ANKRD44: variants seen among roughly 807,000 people sequenced by gnomAD.
The protein encoded by ANKRD44 is ankyrin repeat domain 44.
In ANKRD44, 35 loss-of-function variants were observed where a neutral mutation model predicts 116.0. The observed-to-expected ratio is 0.30, with a 90% confidence interval of 0.23 to 0.40. The LOEUF (loss-of-function observed/expected upper bound fraction) is 0.40. Among genes scored for constraint, ANKRD44 ranks in the 10% least tolerant of loss-of-function variants. The probability of loss-of-function intolerance (pLI) is 1.00; values close to 1 mark genes in which losing one functional copy is unlikely to be tolerated. For synonymous variants in ANKRD44, 435 were observed against 461.8 expected (o/e 0.94, Z 0.74); for missense variants, 1,014 against 1,242.6 (o/e 0.82, Z 2.77).
chr2:197,129,435 C>T (rs1006093331), intron 4 of ANKRD44, among the ~76,000 whole-genome samples: 1 of 152,126 alleles, frequency 6.6e-6, no homozygotes, highest in Non-Finnish European at 1.5e-5. Context: ...GCGCCTGGAC[C>T]TTTGTTTCTT....
intron 4 of ANKRD44, among the ~76,000 whole-genome samples, chr2:197,128,495 C>G (rs1194536424): frequency 6.6e-6 from 1 of 152,008 alleles, no homozygotes; most frequent in African/African-American, 2.4e-5. Flanking sequence ...TTTTTTATTT[C>G]TTGATAAATT....
chr2:197,273,002 TTTGA>T (rs1386325137), intron 1 of ANKRD44, among the ~76,000 whole-genome samples: 12 of 152,228 alleles, frequency 7.9e-5, no homozygotes, highest in African/African-American at 2.7e-4. Flanking sequence ...CTTATAGGTA[TTTGA>T]TTGATTAAAT....
Position 197,013,428 on chromosome 2 carries a change from T to G in ANKRD44, c.1924+83A>C, listed in dbSNP as rs950018632. The G allele has an allele frequency of 3.5e-6, 5 of 1,423,046 alleles. No homozygotes were observed. In the African/African-American group the frequency reaches 7.2e-5, roughly 20 times the overall value. The allele number at this position is 1,423,046 out of a possible 1,614,324, so 88.2% of individuals were successfully genotyped here. A position where few individuals can be genotyped will look rare whatever the true frequency, so the allele number is the denominator to read the frequency against. Reference sequence around the variant, plus strand: ...AAAATTGATATTTAAAAAACTGGGATGAAAGAAGATGCTGCTTTCCTTCTA... The same window carrying G: ...AAAATTGATATTTAAAAAACTGGGAGGAAAGAAGATGCTGCTTTCCTTCTA... On this transcript the variant is annotated intron_variant, in intron 18 of 27. Coordinates refer to ENST00000282272, the MANE Select transcript of ANKRD44 (RefSeq NM_001195144.2).
At chr2:197,191,002 G>A (rs1298921942) in intron 1 of ANKRD44, among the ~76,000 whole-genome samples, 3 of 152,104 alleles carry the variant, frequency 2.0e-5, no homozygotes, top group African/African-American at 7.2e-5. Context: ...ACAAATAGTG[G>A]TAGGAAAAAA....
At chr2:197,109,895 T>C (rs11886567) in intron 9 of ANKRD44, among the ~76,000 whole-genome samples, 9,330 of 152,150 alleles carry the variant, frequency 0.061, 973 homozygotes, top group African/African-American at 0.21. Flanking sequence ...AGTGACAACC[T>C]GATGGTTCAA....
At chr2:197,090,055 A>T (rs752131747) in intron 10 of ANKRD44, 23 bp from the exon 11 acceptor site, 1 of 1,575,054 alleles carries the variant, frequency 6.3e-7, no homozygotes, top group Non-Finnish European at 8.7e-7. Context: ...AAAACAGAGC[A>T]ACTCACGGCA....
At chr2:196,968,770 T>C (rs891730722) in intron 21 of ANKRD44, among the ~76,000 whole-genome samples, 1 of 152,222 alleles carries the variant, frequency 6.6e-6, no homozygotes, top group Non-Finnish European at 1.5e-5. Flanking sequence ...GGCTGTCACA[T>C]TAATAGCTAT....
intron 16 of ANKRD44, chr2:197,029,686 C>T (rs1345473906): frequency 7.4e-6 from 2 of 269,634 alleles, no homozygotes; most frequent in South Asian, 7.0e-5. Context: ...TATCCTGTGT[C>T]AGATACGATG....
chr2:197,267,487 A>T (rs2082771092), intron 1 of ANKRD44, among the ~76,000 whole-genome samples: 1 of 152,174 alleles, frequency 6.6e-6, no homozygotes, highest in Non-Finnish European at 1.5e-5. Flanking sequence ...AAGAGGAAAA[A>T]ATATGATCCT....
chr2:196,993,688 G>A lies in ANKRD44; in HGVS notation c.2832-14C>T, dbSNP rs1574232660. On this transcript the variant is annotated splice_polypyrimidine_tract_variant and intron_variant, in intron 26 of 27. Transcript: ENST00000282272. ...ACGTGGAGGGGTCTAAAAAACACAA[G>A]ACCGAGCATCAGTTGTGATACATAT... is the stretch of plus-strand genomic sequence containing the variant. The A allele has an allele frequency of 6.5e-7, 1 of 1,548,706 alleles. No homozygotes were observed. The highest frequency in any genetic ancestry group is 1.2e-5 in the South Asian group (1 of 83,948).
At chr2:197,078,147 TAA>T (rs2077712963) in intron 16 of ANKRD44, 1 of 157,496 alleles carries the variant, frequency 6.3e-6, no homozygotes, top group African/African-American at 2.4e-5. Flanking sequence ...AACTGTATAA[TAA>T]AAGTTTGTTT....
chr2:197,199,905 C>T (rs950690577), intron 1 of ANKRD44, among the ~76,000 whole-genome samples: 1 of 152,122 alleles, frequency 6.6e-6, no homozygotes, highest in African/African-American at 2.4e-5. Context: ...TTCGAATGGG[C>T]ATTTGGGTTG....
chr2:197,199,634 C>G (rs990430148), intron 1 of ANKRD44, among the ~76,000 whole-genome samples: 12 of 152,088 alleles, frequency 7.9e-5, no homozygotes, highest in Non-Finnish European at 1.6e-4. Flanking sequence ...AGATGGGGGT[C>G]TTGCTATATT....
At chr2:197,008,677 G>A (rs1483090738) in intron 19 of ANKRD44, among the ~76,000 whole-genome samples, 1 of 152,174 alleles carries the variant, frequency 6.6e-6, no homozygotes, top group East Asian at 1.9e-4. Flanking sequence ...GGGAACAAAG[G>A]AGAGAATATA....
chr2:197,309,490 G>A lies in ANKRD44; in HGVS notation c.27+1088C>T, dbSNP rs181208966. ...CATTGTGGTGACGGACTGCACTTCA[G>A]TTGCAAGATGTTCTGGCTGGATACT... On this transcript the variant is annotated intron_variant, in intron 1 of 27. Transcript: ENST00000282272. 4.6e-4 allele frequency among the ~76,000 whole-genome samples: 70 copies of A among 152,336 alleles called. 1 individual carries two copies. Among genetic ancestry groups the A allele is most frequent in the South Asian group, 1.9e-3 (9 of 4,828 alleles).
At chr2:197,008,271 T>C (rs1456870210) in intron 19 of ANKRD44, among the ~76,000 whole-genome samples, 1 of 152,212 alleles carries the variant, frequency 6.6e-6, no homozygotes, top group Non-Finnish European at 1.5e-5. Context: ...CTTGCTTCCA[T>C]CAGAGCAGCT....
intron 1 of ANKRD44, among the ~76,000 whole-genome samples, chr2:197,234,006 C>G (rs900330399): frequency 6.6e-6 from 1 of 152,172 alleles, no homozygotes; most frequent in South Asian, 2.1e-4. Flanking sequence ...GGGTGTATAT[C>G]TCGTTAACTG....
intron 8 of ANKRD44, among the ~76,000 whole-genome samples, chr2:197,113,389 C>A (rs1230462706): frequency 6.6e-6 from 1 of 152,200 alleles, no homozygotes; most frequent in Non-Finnish European, 1.5e-5. Flanking sequence ...GTGGAGTTGG[C>A]ATTAACTTGT....
chr2:197,127,324 T>C (rs917915443), intron 4 of ANKRD44, among the ~76,000 whole-genome samples: 1 of 152,208 alleles, frequency 6.6e-6, no homozygotes, highest in Non-Finnish European at 1.5e-5. Flanking sequence ...ACTGGCTTAA[T>C]ACATATAATA....
Sources: gnomAD v4.1 joint callset for allele counts (sites outside exome capture counted in the v4.1 genomes callset) on GRCh38, gnomAD v4.1.1 for gene constraint, MANE v1.5 for transcripts, NCBI Gene and HGNC (gene_info 2026-07-23, HGNC 2026-07-21) for gene names.